Variants in MNAT1 observed in about 807,000 individuals in gnomAD.
The protein encoded by MNAT1 is CDK-activating kinase assembly factor MAT1.
Under a neutral mutation model 42.0 loss-of-function variants are expected in MNAT1, and 43 were observed. The observed-to-expected ratio is 1.02, with a 90% CI of 0.80 to 1.32. The LOEUF is 1.32. Among genes scored for constraint, MNAT1 ranks in the 40% most tolerant of loss-of-function variants. The pLI is 0.00. For synonymous variants in MNAT1, 118 were observed against 120.0 expected (o/e 0.98, Z 0.11); for missense variants, 306 against 350.4 (o/e 0.87, Z 1.01).
chr14:60,909,352 CT>C (rs2035290948), intron 7 of MNAT1, among the ~76,000 whole-genome samples: 1 of 152,076 alleles, frequency 6.6e-6, no homozygotes, highest in African/African-American at 2.4e-5. Flanking sequence ...TCAATTTTGG[CT>C]TTTGTTGCCA....
At chr14:60,813,370 G>C (rs2032615559) in intron 5 of MNAT1, among the ~76,000 whole-genome samples, 1 of 152,172 alleles carries the variant, frequency 6.6e-6, no homozygotes, top group South Asian at 2.1e-4. Flanking sequence ...CTAGTAGAGG[G>C]GAGTCCTTAC....
chr14:60,948,397 G>A (rs1234294013), intron 7 of MNAT1, among the ~76,000 whole-genome samples: 1 of 152,116 alleles, frequency 6.6e-6, no homozygotes, highest in East Asian at 1.9e-4. Context: ...ACACCAGCCT[G>A]AGTGACAGAG....
At chr14:60,932,517 C>T (rs1414552316) in intron 7 of MNAT1, among the ~76,000 whole-genome samples, 3 of 151,830 alleles carry the variant, frequency 2.0e-5, no homozygotes, top group African/African-American at 2.4e-5. Context: ...AACTGTCTTA[C>T]GTGGAGTGTG....
In MNAT1 at chr14:60,768,084, ACAGT is replaced by A. The variant is rs752432706; in HGVS notation, c.90-28128_90-28125del. ...TGGCCTTATTTTTTGTATTTTTAGT[ACAGT>A]CAGTGTTTCGCCACATTGGCCAGGA... On this transcript the variant is annotated intron_variant, in intron 1 of 7. Coordinates refer to ENST00000261245, the MANE Select transcript of MNAT1 (RefSeq NM_002431.4). 7.7e-4 allele frequency among the ~76,000 whole-genome samples: 117 copies of A among 151,828 alleles called. 1 individual carries two copies. The highest frequency in any genetic ancestry group is 1.5e-3 in the Non-Finnish European group (105 of 67,916).
At chr14:60,857,080 C>G (rs946848972) in intron 6 of MNAT1, among the ~76,000 whole-genome samples, 1 of 152,226 alleles carries the variant, frequency 6.6e-6, no homozygotes, top group Non-Finnish European at 1.5e-5. Flanking sequence ...GACAGCGTAT[C>G]TGCTTACAGC....
chr14:60,902,138 A>G (rs1006005763), intron 7 of MNAT1, among the ~76,000 whole-genome samples: 9 of 152,214 alleles, frequency 5.9e-5, no homozygotes, highest in Non-Finnish European at 8.8e-5. Context: ...AGTAAAGCAG[A>G]TATCAACATC....
intron 6 of MNAT1, among the ~76,000 whole-genome samples, chr14:60,869,642 G>A (rs151142943): frequency 7.0e-4 from 107 of 152,150 alleles, no homozygotes; most frequent in African/African-American, 2.1e-3. Flanking sequence ...TTAACCTATC[G>A]GCCTAAATTG....
At chr14:60,769,690 C>T (rs1338386729) in intron 1 of MNAT1, among the ~76,000 whole-genome samples, 2 of 152,104 alleles carry the variant, frequency 1.3e-5, no homozygotes, top group Non-Finnish European at 1.5e-5. Context: ...GGGCCTTACT[C>T]CGTTGCCCGA....
Position 60,951,409 on chromosome 14 carries a change from T to A in MNAT1, c.810-16820T>A, listed in dbSNP as rs193237794. Reference sequence around the variant, plus strand: ...TTGCTGAAACATTTCCTTTAGTGGTTCTTTTTCACATTTTCCTTTTTTTGT... The same window carrying A: ...TTGCTGAAACATTTCCTTTAGTGGTACTTTTTCACATTTTCCTTTTTTTGT... On this transcript the variant is annotated intron_variant, in intron 7 of 7. Transcript: ENST00000261245. Among the ~76,000 whole-genome samples, 255 of 152,112 alleles carry A rather than the reference T, an allele frequency of 1.7e-3. 1 individual carries two copies. The highest frequency in any genetic ancestry group is 5.4e-3 in the African/African-American group (225 of 41,530).
chr14:60,866,494 A>G (rs1282083488), intron 6 of MNAT1, among the ~76,000 whole-genome samples: 2 of 151,758 alleles, frequency 1.3e-5, no homozygotes, highest in East Asian at 3.9e-4. Context: ...TTCCTTTCCT[A>G]TTTTTATTTT....
intron 6 of MNAT1, among the ~76,000 whole-genome samples, chr14:60,856,358 G>A (rs1465708230): frequency 1.3e-5 from 2 of 152,074 alleles, no homozygotes; most frequent in African/African-American, 4.8e-5. Context: ...TCTAATCCAG[G>A]TTGTAATCCC....
At chr14:60,829,682 G>T (rs1216628429) in intron 6 of MNAT1, among the ~76,000 whole-genome samples, 1 of 152,184 alleles carries the variant, frequency 6.6e-6, no homozygotes, top group Non-Finnish European at 1.5e-5. Context: ...TATTCTATGA[G>T]TGGTGGGAAG....
In MNAT1 at chr14:60,852,189, G is replaced by A. The variant is rs149290444; in HGVS notation, c.688-27525G>A. On this transcript the variant is annotated intron_variant, in intron 6 of 7. Coordinates refer to ENST00000261245, the MANE Select transcript of MNAT1 (RefSeq NM_002431.4). ...TTCCTATTTCTCCACATCCTCTGCAGCATCTATTGTTTCCTGACTTTTTAA... is the reference window on the plus strand; with the variant it reads ...TTCCTATTTCTCCACATCCTCTGCAACATCTATTGTTTCCTGACTTTTTAA... 9.2e-4 allele frequency among the ~76,000 whole-genome samples: 140 copies of A among 152,258 alleles called. 1 individual carries two copies. The highest frequency in any genetic ancestry group is 1.4e-3 in the Non-Finnish European group (98 of 68,020).
intron 6 of MNAT1, among the ~76,000 whole-genome samples, chr14:60,864,533 C>T (rs1369712140): frequency 1.3e-5 from 2 of 151,938 alleles, no homozygotes; most frequent in East Asian, 1.9e-4. Flanking sequence ...ACATACTTAC[C>T]TCAAATGTGT....
intron 6 of MNAT1, among the ~76,000 whole-genome samples, chr14:60,850,127 T>A (rs1185240457): frequency 6.6e-6 from 1 of 152,154 alleles, no homozygotes; most frequent in Non-Finnish European, 1.5e-5. Flanking sequence ...GTGGGCCACC[T>A]CACCTGGCCT....
At chr14:60,824,883 T>C (rs755484828) in intron 6 of MNAT1, among the ~76,000 whole-genome samples, 2 of 152,204 alleles carry the variant, frequency 1.3e-5, no homozygotes, top group Non-Finnish European at 2.9e-5. Context: ...AATATTGTTA[T>C]AAGTATTCTG....
intron 7 of MNAT1, among the ~76,000 whole-genome samples, chr14:60,922,582 T>C (rs563254557): frequency 6.6e-6 from 1 of 152,208 alleles, no homozygotes; most frequent in East Asian, 1.9e-4. Flanking sequence ...TGGTTCTTAC[T>C]ATAAGCTGTA....
chr14:60,960,053 G>T (rs1814153461), intron 7 of MNAT1, among the ~76,000 whole-genome samples: 1 of 147,734 alleles, frequency 6.8e-6, no homozygotes, highest in African/African-American at 2.5e-5. Context: ...CCATTCTCTT[G>T]TCAATGGACA....
intron 7 of MNAT1, among the ~76,000 whole-genome samples, chr14:60,885,641 T>C (rs1437238292): frequency 6.6e-6 from 1 of 152,082 alleles, no homozygotes; most frequent in Non-Finnish European, 1.5e-5. Context: ...TCAAGTTCTT[T>C]ATATAATTTG....
Sources: allele counts gnomAD v4.1 joint callset (sites outside exome capture counted in the v4.1 genomes callset), GRCh38; gene constraint gnomAD v4.1.1; transcripts MANE v1.5; gene names NCBI Gene and HGNC (gene_info 2026-07-23, HGNC 2026-07-21).